Variants in PLD5 observed in about 807,000 individuals in gnomAD.
PLD5 encodes the protein inactive phospholipase D5.
A neutral mutation model predicts 61.1 loss-of-function variants in PLD5; 36 were observed. The observed-to-expected ratio is 0.59, with a 90% CI of 0.45 to 0.78. The LOEUF (loss-of-function observed/expected upper bound fraction) is 0.78, where lower values mean the gene tolerates loss of function less well. Ranked by LOEUF, PLD5 falls within the 30% of genes least tolerant of loss-of-function variation. The pLI is 0.00. For missense variants in PLD5, 515 were observed against 644.4 expected (o/e 0.80, Z 2.17); for synonymous variants, 243 against 242.8 (o/e 1.00, Z -0.01).
intron 7 of PLD5, among the ~76,000 whole-genome samples, chr1:242,111,114 T>C (rs568685471): frequency 6.6e-6 from 1 of 151,492 alleles, no homozygotes; most frequent in South Asian, 2.1e-4. Flanking sequence ...TGGCGTGCAA[T>C]GGCGTGATCT....
At chr1:242,112,309 G>GTA (rs1558232833) in intron 7 of PLD5, among the ~76,000 whole-genome samples, 2,172 of 104,036 alleles carry the variant, frequency 0.021, 70 homozygotes, top group African/African-American at 0.092. Context: ...GTGTGTGTGT[G>GTA]TGTGTGTGTG....
At chr1:242,455,654 G>A (rs930259577) in intron 1 of PLD5, among the ~76,000 whole-genome samples, 1 of 152,200 alleles carries the variant, frequency 6.6e-6, no homozygotes, top group Non-Finnish European at 1.5e-5. Context: ...CGCTTATATG[G>A]ACTCCCAGAA....
At position 242,113,084 on chromosome 1, in the gene PLD5, CT is replaced by C. The variant is rs71570931; in HGVS notation, c.1070+805del. 1.2e-3 allele frequency among the ~76,000 whole-genome samples: 131 copies of C among 110,652 alleles called. 1 individual carries two copies. The highest frequency in any genetic ancestry group is 1.3e-3 in the African/African-American group (37 of 28,710). 72.6% of individuals were successfully genotyped at this position (110,652 alleles called of 152,430 possible). A position where few individuals can be genotyped will look rare whatever the true frequency, so the allele number is the denominator to read the frequency against. ...ATTTGAAGTTTCTTTCTCTCTCTCT[CT>C]TTTTTTTTTTTTTTTTTTTTTTGAG... is the stretch of plus-strand genomic sequence containing the variant. On this transcript the variant is annotated intron_variant, in intron 7 of 9. Transcript: ENST00000536534.
intron 1 of PLD5, among the ~76,000 whole-genome samples, chr1:242,427,385 G>A (rs1424424628): frequency 6.6e-6 from 1 of 152,160 alleles, no homozygotes; most frequent in Non-Finnish European, 1.5e-5. Context: ...TTCATCAGGA[G>A]TTGCATCATG....
chr1:242,404,197 G>C (rs974365199), intron 1 of PLD5, among the ~76,000 whole-genome samples: 1 of 152,200 alleles, frequency 6.6e-6, no homozygotes, highest in Non-Finnish European at 1.5e-5. Context: ...CGAAGTAGCA[G>C]ATGCTATGAA....
intron 3 of PLD5, among the ~76,000 whole-genome samples, chr1:242,274,008 T>G (rs542327379): frequency 1.3e-5 from 2 of 152,298 alleles, no homozygotes; most frequent in South Asian, 4.2e-4. Context: ...TACCTCCAGG[T>G]CTGTAAGAAA....
chr1:242,299,537 G>A (rs1274121180), intron 2 of PLD5, among the ~76,000 whole-genome samples: 3 of 152,170 alleles, frequency 2.0e-5, no homozygotes, highest in Admixed American at 6.5e-5. Context: ...AGAGTGTATC[G>A]TCTTAATCAC....
chr1:242,358,441 C>T (rs1660878136), intron 1 of PLD5, among the ~76,000 whole-genome samples: 2 of 151,898 alleles, frequency 1.3e-5, no homozygotes, highest in Non-Finnish European at 2.9e-5. Flanking sequence ...AATGGGCCAG[C>T]TGGTAATGAA....
chr1:242,499,871 G>C (rs980540867), intron 1 of PLD5, among the ~76,000 whole-genome samples: 1 of 152,100 alleles, frequency 6.6e-6, no homozygotes, highest in Admixed American at 6.5e-5. Flanking sequence ...GGAGTGACTG[G>C]AATAGCTAAC....
intron 1 of PLD5, among the ~76,000 whole-genome samples, chr1:242,515,124 G>A (rs189000030): frequency 2.4e-4 from 36 of 152,168 alleles, no homozygotes; most frequent in African/African-American, 6.0e-4. Context: ...AGCCTCCTTC[G>A]TGCCCATTTT....
chr1:242,397,491 C>A (rs1663660862), intron 1 of PLD5, among the ~76,000 whole-genome samples: 1 of 144,820 alleles, frequency 6.9e-6, no homozygotes, highest in Admixed American at 7.1e-5. Context: ...AAGCAGCAAG[C>A]CGTAGAACCT....
At chr1:242,156,145 C>A (rs1665347722) in intron 5 of PLD5, among the ~76,000 whole-genome samples, 2 of 151,994 alleles carry the variant, frequency 1.3e-5, no homozygotes, top group Non-Finnish European at 2.9e-5. Flanking sequence ...GGTTTAAAGT[C>A]TGTTTTATTA....
At chr1:242,517,766 G>GT (rs1419928455) in intron 1 of PLD5, among the ~76,000 whole-genome samples, 1 of 152,064 alleles carries the variant, frequency 6.6e-6, no homozygotes, top group African/African-American at 2.4e-5. Flanking sequence ...TAATAACATT[G>GT]TTAATAACAC....
chr1:242,397,963 C>T (rs1354423008), intron 1 of PLD5, among the ~76,000 whole-genome samples: 1 of 152,012 alleles, frequency 6.6e-6, no homozygotes, highest in Non-Finnish European at 1.5e-5. Flanking sequence ...ACATTAGAAA[C>T]ATGAAAGAAA....
intron 1 of PLD5, among the ~76,000 whole-genome samples, chr1:242,508,899 G>C (rs981714998): frequency 6.6e-6 from 1 of 152,146 alleles, no homozygotes; most frequent in East Asian, 1.9e-4. Flanking sequence ...TGGCCAACGT[G>C]GGAAAACCCC....
At chr1:242,323,327 C>T (rs12124932) in intron 2 of PLD5, among the ~76,000 whole-genome samples, 8,900 of 152,050 alleles carry the variant, frequency 0.059, 312 homozygotes, top group Middle Eastern at 0.099. Flanking sequence ...TGATTTATAT[C>T]CTCAGTTATT....
chr1:242,280,330 T>C (rs1233727446), intron 3 of PLD5, among the ~76,000 whole-genome samples: 5 of 152,220 alleles, frequency 3.3e-5, no homozygotes, highest in Non-Finnish European at 7.3e-5. Flanking sequence ...TTGCCTTTTC[T>C]ATAAAACCAA....
intron 1 of PLD5, among the ~76,000 whole-genome samples, chr1:242,376,058 G>T (rs1661934176): frequency 4.6e-5 from 7 of 152,142 alleles, no homozygotes; most frequent in Admixed American, 4.6e-4. Flanking sequence ...ACAAAAACCT[G>T]ATTATATAAA....
intron 5 of PLD5, among the ~76,000 whole-genome samples, chr1:242,136,436 C>G (rs1464799814): frequency 3.3e-5 from 5 of 152,126 alleles, no homozygotes; most frequent in Non-Finnish European, 7.4e-5. Flanking sequence ...ATTCACCATA[C>G]CCTCCCCATA....
Sources: gnomAD v4.1 joint callset for allele counts (sites outside exome capture counted in the v4.1 genomes callset) on GRCh38, gnomAD v4.1.1 for gene constraint, MANE v1.5 for transcripts, NCBI Gene and HGNC (gene_info 2026-07-23, HGNC 2026-07-21) for gene names.